The following CD109 variants were observed in gnomAD, a reference collection of about 807,000 sequenced individuals.
CD109 encodes the protein CD109 molecule.
In CD109, 149 loss-of-function variants were observed where a neutral mutation model predicts 165.8. The ratio of observed to expected loss-of-function variants is 0.90; its 90% confidence interval spans 0.79 to 1.03. The LOEUF is 1.03. CD109 is among the 50% of genes least tolerant of loss of function. The pLI is 0.00. For missense variants in CD109, 1,712 were observed against 1,677.8 expected (o/e 1.02, Z -0.36); for synonymous variants, 585 against 592.1 (o/e 0.99, Z 0.18).
chr6:73,693,187 A>G (rs886485134), upstream of CD109, among the ~76,000 whole-genome samples: 7 of 151,980 alleles, frequency 4.6e-5, no homozygotes, highest in African/African-American at 1.7e-4. Flanking sequence ...ACAATTCTGC[A>G]GGCTGTTCAA....
the CD109 span, among the ~76,000 whole-genome samples, chr6:73,689,834 A>C: frequency 6.6e-6 from 1 of 152,226 alleles, no homozygotes; most frequent in Non-Finnish European, 1.5e-5. Flanking sequence ...ATTTATTGTC[A>C]ATTATTATTA....
At chr6:73,685,441 AC>A in the CD109 span, among the ~76,000 whole-genome samples, 2 of 152,154 alleles carry the variant, frequency 1.3e-5, no homozygotes, top group African/African-American at 4.8e-5. Flanking sequence ...ATGCAAAAAA[AC>A]ATTGTCTAGA....
intron 7 of CD109, among the ~76,000 whole-genome samples, chr6:73,761,063 ACACACAC>A (rs1554175838): frequency 6.8e-6 from 1 of 146,212 alleles, no homozygotes; most frequent in East Asian, 2.0e-4. Flanking sequence ...ACACACACAC[ACACACAC>A]AAACCCAGAA....
chr6:73,787,564 T>TTTA lies in CD109; in HGVS notation c.2556+112_2556+113insTTA. 5.5e-6 allele frequency: 4 copies of TTTA among 723,950 alleles called. No homozygotes were observed. In the South Asian group the frequency reaches 7.4e-5, roughly 13 times the overall value. The allele number at this position is 723,950 out of a possible 1,614,324, so 44.8% of individuals were successfully genotyped here. On this transcript the variant is annotated intron_variant, in intron 21 of 32. Coordinates refer to ENST00000287097, the MANE Select transcript of CD109 (RefSeq NM_133493.5). ...GGCATATCTAGTAGGTCATCTTCTT[T>TTTA]ACCCTTCTGGTAATGCCTAATCACT...
At chr6:73,709,340 A>G (rs1183633543) in intron 2 of CD109, among the ~76,000 whole-genome samples, 3 of 152,024 alleles carry the variant, frequency 2.0e-5, no homozygotes, top group Admixed American at 1.3e-4. Context: ...TGAGGGCTCT[A>G]TTGTGTTCCA....
At chr6:73,732,685 C>A (rs1254751981) in intron 4 of CD109, among the ~76,000 whole-genome samples, 1 of 152,068 alleles carries the variant, frequency 6.6e-6, no homozygotes, top group Non-Finnish European at 1.5e-5. Context: ...CATAAATTGC[C>A]TGTTCTAGAC....
chr6:73,814,630 G>C (rs1452412017), intron 29 of CD109, among the ~76,000 whole-genome samples: 1 of 152,130 alleles, frequency 6.6e-6, no homozygotes, highest in East Asian at 1.9e-4. Context: ...CTCCATTTGG[G>C]CAACAGGCCT....
intron 8 of CD109, 102 bp downstream of exon 8, chr6:73,762,582 A>G: frequency 1.0e-6 from 1 of 992,602 alleles, no homozygotes. Flanking sequence ...AGTGTAAGAA[A>G]ATCAAGAGCT....
In CD109 at chr6:73,809,967, T is replaced by C. The variant is rs761068255; in HGVS notation, c.3356-17T>C. On this transcript the variant is annotated splice_polypyrimidine_tract_variant and intron_variant, in intron 26 of 32. Coordinates refer to ENST00000287097, the MANE Select transcript of CD109 (RefSeq NM_133493.5). ...TTCTGGATAATTGATCAGAATGTTA[T>C]TACTTTTCTCTTGCAGGTGGCATGC... 2.5e-6 allele frequency: 4 copies of C among 1,576,868 alleles called. No homozygotes were observed. Among genetic ancestry groups the C allele is most frequent in the South Asian group, 2.4e-5 (2 of 84,690 alleles).
At chr6:73,783,675 T>A in intron 18 of CD109, 32 bp from the exon 19 acceptor site, 1 of 1,250,694 alleles carries the variant, frequency 8.0e-7, no homozygotes, top group Non-Finnish European at 1.2e-6. Flanking sequence ...TTCTTGGTTT[T>A]GTGATGTTTA....
intron 10 of CD109, among the ~76,000 whole-genome samples, chr6:73,765,118 G>A (rs1773786324): frequency 6.6e-6 from 1 of 152,058 alleles, no homozygotes; most frequent in Non-Finnish European, 1.5e-5. Flanking sequence ...TAAATGCTTG[G>A]GCATGGGAGT....
At chr6:73,684,565 G>C in the CD109 span, among the ~76,000 whole-genome samples, 1 of 151,856 alleles carries the variant, frequency 6.6e-6, no homozygotes, top group Non-Finnish European at 1.5e-5. Flanking sequence ...CAGGTATAAG[G>C]TGATATCTCT....
At chr6:73,711,481 A>G (rs374482506) in intron 2 of CD109, among the ~76,000 whole-genome samples, 216 of 152,198 alleles carry the variant, frequency 1.4e-3, no homozygotes, top group African/African-American at 5.1e-3. Flanking sequence ...TTTGCCTTAA[A>G]GTGACATTAA....
In CD109 at chr6:73,824,140, C is replaced by G. The variant is rs1163623543; in HGVS notation, c.*507C>G. ...TGCCCAGTGGTCTCAGTAGATACTT[C>G]TTAACTGGAAATTCTTTCTTTTCAG... is the stretch of plus-strand genomic sequence containing the variant. On this transcript the variant is annotated 3_prime_UTR_variant, in exon 33 of 33. Transcript: ENST00000287097. 1 of 126,602 alleles carries G rather than the reference C, an allele frequency of 7.9e-6. No homozygotes were observed. Among genetic ancestry groups the G allele is most frequent in the Admixed American group, 1.0e-4 (1 of 9,994 alleles). 7.8% of individuals were successfully genotyped at this position (126,602 alleles called of 1,614,324 possible).
At chr6:73,786,388 T>A (rs143764697) in intron 20 of CD109, among the ~76,000 whole-genome samples, 1,563 of 152,190 alleles carry the variant, frequency 0.01, 27 homozygotes, top group African/African-American at 0.035. Context: ...TAATTTTTTT[T>A]AATTTAAATT....
the CD109 span, among the ~76,000 whole-genome samples, chr6:73,685,321 T>C: frequency 6.9e-4 from 105 of 152,292 alleles, no homozygotes; most frequent in African/African-American, 2.4e-3. Context: ...TTTTCTCCTA[T>C]TCAATAGGTT....
chr6:73,696,337 C>A (rs1045421395), intron 1 of CD109, 48 bp downstream of exon 1: 3 of 1,365,546 alleles, frequency 2.2e-6, no homozygotes, highest in South Asian at 1.7e-5. Flanking sequence ...GGGCCTGGGC[C>A]GCTCTGCGGC....
At chr6:73,735,487 G>GACAAATTAGAGATATGGAAA (rs1772508530) in intron 4 of CD109, among the ~76,000 whole-genome samples, 1 of 151,914 alleles carries the variant, frequency 6.6e-6, no homozygotes, top group African/African-American at 2.4e-5. Context: ...ATGGAAAGAA[G>GACAAATTAGAGATATGGAAA]GAGACAAATT....
intron 5 of CD109, among the ~76,000 whole-genome samples, chr6:73,746,132 C>T (rs1399481266): frequency 3.3e-5 from 5 of 152,174 alleles, no homozygotes; most frequent in Non-Finnish European, 7.3e-5. Context: ...GCAGTGCACC[C>T]AGTGGTTATA....
Sources: allele counts gnomAD v4.1 joint callset (sites outside exome capture counted in the v4.1 genomes callset), GRCh38; gene constraint gnomAD v4.1.1; transcripts MANE v1.5; gene names NCBI Gene and HGNC (gene_info 2026-07-23, HGNC 2026-07-21).